Variants in PPP1R21 observed in about 807,000 individuals in gnomAD.
The protein encoded by PPP1R21 is KLRAQ motif containing 1.
PPP1R21 carries 85 observed loss-of-function variants against 112.8 expected under a neutral mutation model. The ratio of observed to expected loss-of-function variants is 0.75; its 90% CI spans 0.63 to 0.90. The LOEUF (loss-of-function observed/expected upper bound fraction) is 0.90. PPP1R21 is among the 40% of genes least tolerant of loss of function. The pLI, the probability that PPP1R21 is intolerant of heterozygous loss-of-function variation, is 0.00. For missense variants in PPP1R21, 1,199 were observed against 901.5 expected, an observed-to-expected ratio of 1.33 and a Z score of -4.23; for synonymous variants, 381 against 322.3, an observed-to-expected ratio of 1.18 and a Z score of -1.95.
At chr2:48,487,760 CAAAAA>C (rs199685338) in intron 14 of PPP1R21, among the ~76,000 whole-genome samples, 3 of 74,566 alleles carry the variant, frequency 4.0e-5, no homozygotes, top group Admixed American at 1.6e-4. Context: ...GACCCTATCT[CAAAAA>C]AAAAAAAAAA....
chr2:48,478,449 A>G (rs1668853606), intron 12 of PPP1R21, among the ~76,000 whole-genome samples: 1 of 152,228 alleles, frequency 6.6e-6, no homozygotes, highest in Admixed American at 6.5e-5. Context: ...GCATGCATAC[A>G]GTCACCCTGA....
At chr2:48,447,827 A>G (rs1182666137) in intron 1 of PPP1R21, among the ~76,000 whole-genome samples, 15 of 151,996 alleles carry the variant, frequency 9.9e-5, no homozygotes, top group Admixed American at 9.2e-4. Flanking sequence ...GCACGTGCCT[A>G]TAATCCCAGC....
In PPP1R21 at chr2:48,486,767, C is replaced by G. The variant is rs1036445592; in HGVS notation, c.1446+9C>G. ...CAAATGGAGCAGGAAAGGTAATTCT[C>G]TTCTGGCGTATATTGATGTTAAAAC... On this transcript the variant is annotated intron_variant, in intron 14 of 21. Transcript: ENST00000294952. The G allele has an allele frequency of 6.2e-7, 1 of 1,610,458 alleles. No individual in the cohort carries two copies. Among genetic ancestry groups the G allele is most frequent in the Non-Finnish European group, 8.5e-7 (1 of 1,178,558 alleles).
At chr2:48,459,550 T>C (rs1212573205) in intron 4 of PPP1R21, among the ~76,000 whole-genome samples, 2 of 152,160 alleles carry the variant, frequency 1.3e-5, no homozygotes, top group Non-Finnish European at 2.9e-5. Flanking sequence ...CTTTTAAGCT[T>C]GAGTTTCCAT....
chr2:48,488,504 C>A (rs1669413743), intron 14 of PPP1R21, among the ~76,000 whole-genome samples: 3 of 151,928 alleles, frequency 2.0e-5, no homozygotes, highest in African/African-American at 7.3e-5. Flanking sequence ...GTAGCTGGGA[C>A]TAAAGGTGCC....
intron 1 of PPP1R21, 129 bp downstream of exon 1, chr2:48,441,139 C>T (rs971384524): frequency 1.4e-5 from 10 of 699,158 alleles, no homozygotes; most frequent in African/African-American, 1.3e-4. Flanking sequence ...TCCCCTCAGC[C>T]GTCTCCGTCC....
intron 2 of PPP1R21, among the ~76,000 whole-genome samples, chr2:48,452,776 G>C (rs931190203): frequency 1.3e-5 from 2 of 151,878 alleles, no homozygotes; most frequent in African/African-American, 4.8e-5. Flanking sequence ...ACATGGGCTA[G>C]GCCTAAATTT....
At chr2:48,488,171 T>A (rs1287931937) in intron 14 of PPP1R21, among the ~76,000 whole-genome samples, 1 of 152,184 alleles carries the variant, frequency 6.6e-6, no homozygotes, top group East Asian at 1.9e-4. Flanking sequence ...TAAAACGTGT[T>A]ATCTTTAGGT....
At chr2:48,493,290 C>T (rs1329927688) in intron 15 of PPP1R21, among the ~76,000 whole-genome samples, 3 of 152,188 alleles carry the variant, frequency 2.0e-5, no homozygotes, top group Non-Finnish European at 2.9e-5. Context: ...CAGGCGTGAG[C>T]CACTGCGCCC....
intron 17 of PPP1R21, among the ~76,000 whole-genome samples, chr2:48,504,600 C>T (rs185637010): frequency 6.6e-6 from 1 of 152,250 alleles, no homozygotes; most frequent in Non-Finnish European, 1.5e-5. Flanking sequence ...TCGGTCGCAC[C>T]ATTGCACTCC....
At chr2:48,507,528 C>G (rs1670438208) in intron 19 of PPP1R21, 143 bp downstream of exon 19, 3 of 1,302,468 alleles carry the variant, frequency 2.3e-6, no homozygotes, top group East Asian at 5.8e-5. Flanking sequence ...CCACCACGCC[C>G]AGCTAATTTT....
chr2:48,501,591 C>T (rs1427976102), intron 17 of PPP1R21, among the ~76,000 whole-genome samples: 1 of 152,178 alleles, frequency 6.6e-6, no homozygotes, highest in Non-Finnish European at 1.5e-5. Flanking sequence ...CCAAGCCCTG[C>T]CCTCTTAACC....
At chr2:48,499,375 T>C (rs1216918875) in intron 17 of PPP1R21, among the ~76,000 whole-genome samples, 2 of 152,184 alleles carry the variant, frequency 1.3e-5, no homozygotes, top group African/African-American at 4.8e-5. Context: ...ACATTTGTAA[T>C]ATGGGGTTAT....
Position 48,440,840 on chromosome 2 carries a change from G to T in PPP1R21, c.-114G>T. The T allele has an allele frequency of 1.3e-6, 1 of 749,890 alleles. No homozygotes were observed. 46.5% of individuals were successfully genotyped at this position (749,890 alleles called of 1,614,324 possible). A position where few individuals can be genotyped will look rare whatever the true frequency, so the allele number is the denominator to read the frequency against. ...GGCGGCGGCGGCGGCGGCGGCTGCG[G>T]TGGCCAAGCAGGCAGATACTGCCTG... On this transcript the variant is annotated 5_prime_UTR_variant, in exon 1 of 22. Coordinates refer to ENST00000294952, the MANE Select transcript of PPP1R21 (RefSeq NM_001135629.3).
At chr2:48,464,851 T>G in intron 7 of PPP1R21, 86 bp from the exon 8 acceptor site, 1 of 968,572 alleles carries the variant, frequency 1.0e-6, no homozygotes, top group Non-Finnish European at 1.6e-6. Flanking sequence ...TTGATTTTGC[T>G]TCAGAGCATT....
At chr2:48,476,391 A>G (rs1044193184) in intron 12 of PPP1R21, among the ~76,000 whole-genome samples, 15 of 152,296 alleles carry the variant, frequency 9.8e-5, no homozygotes, top group African/African-American at 3.6e-4. Flanking sequence ...TTTGGCTATT[A>G]CAAATAATGA....
rs369393981 is a variant in PPP1R21, at chr2:48,465,617, A to T, written c.872A>T (p.Asp291Val). ...IQIFPVDSAI[D>V]TISPLNQKFS... ...ATTTTTCCTGTTGATTCTGCCATTG[A>T]CACTATATCTCCATTGAATCAGAAG... The change falls in exon 9 of 22, where the codon GAC (aspartate) becomes GTC (valine). Residue 291 changes from aspartate (D) to valine (V), a missense_variant. By Grantham distance (152) the Asp-to-Val change is radical (BLOSUM62 -3). Coordinates refer to ENST00000294952, the MANE Select transcript of PPP1R21 (RefSeq NM_001135629.3). The T allele has an allele frequency of 6.2e-7, 1 of 1,613,246 alleles. No individual in the cohort carries two copies. The highest frequency in any genetic ancestry group is 1.3e-5 in the African/African-American group (1 of 75,026).
At chr2:48,483,195 CTTTTTTTTTT>C (rs755036470) in intron 13 of PPP1R21, among the ~76,000 whole-genome samples, 10 of 80,914 alleles carry the variant, frequency 1.2e-4, no homozygotes, top group African/African-American at 4.1e-4. Flanking sequence ...CTTTTTTTTC[CTTTTTTTTTT>C]TTTTTTTTTT....
At chr2:48,446,264 A>G (rs530486040) in intron 1 of PPP1R21, among the ~76,000 whole-genome samples, 4 of 152,300 alleles carry the variant, frequency 2.6e-5, no homozygotes, top group South Asian at 2.1e-4. Context: ...ATCTTGGGCC[A>G]TTTAGCCTAT....
Sources: gnomAD v4.1 joint callset for allele counts (sites outside exome capture counted in the v4.1 genomes callset) on GRCh38, gnomAD v4.1.1 for gene constraint, MANE v1.5 for transcripts, NCBI Gene and HGNC (gene_info 2026-07-23, HGNC 2026-07-21) for gene names.